FANCI: variants seen among roughly 807,000 people sequenced by gnomAD.
FANCI encodes the protein FA complementation group I.
In FANCI, 156 loss-of-function variants were observed where a neutral mutation model predicts 176.1. That is an observed-to-expected ratio of 0.89 (90% CI 0.78 to 1.01). FANCI has a LOEUF of 1.01. Among genes scored for constraint, FANCI ranks in the 50% least tolerant of loss-of-function variants. The pLI, the probability that FANCI is intolerant of heterozygous loss-of-function variation, is 0.00. For missense variants in FANCI, 1,678 were observed against 1,534.1 expected, an observed-to-expected ratio of 1.09 and a Z score of -1.57; for synonymous variants, 613 against 541.7, an observed-to-expected ratio of 1.13 and a Z score of -1.83.
intron 34 of FANCI, among the ~76,000 whole-genome samples, chr15:89,310,619 T>C (rs931017675): frequency 6.6e-5 from 10 of 152,250 alleles, no homozygotes; most frequent in African/African-American, 2.2e-4. Flanking sequence ...ATTTAATGAG[T>C]GCCCCCTGGG....
chr15:89,268,664 T>TA (rs1395811104), intron 10 of FANCI, 139 bp downstream of exon 10: 8 of 1,007,314 alleles, frequency 7.9e-6, no homozygotes, highest in Middle Eastern at 3.2e-4. Flanking sequence ...TTTTTTTTTT[T>TA]ACTTTAAAAG....
chr15:89,282,881 T>C, intron 16 of FANCI: 1 of 472,622 alleles, frequency 2.1e-6, no homozygotes, highest in East Asian at 4.1e-5. Context: ...ATTCCTCACA[T>C]AGACTTGAGA....
At chr15:89,304,972 C>T (rs1007531560) in intron 28 of FANCI, 143 bp from the exon 29 acceptor site, 2 of 849,712 alleles carry the variant, frequency 2.4e-6, no homozygotes, top group Non-Finnish European at 3.8e-6. Flanking sequence ...GACGGGGTTT[C>T]TCCATGTTGG....
chr15:89,287,667 A>T (rs1422429598), intron 18 of FANCI, among the ~76,000 whole-genome samples: 2 of 152,178 alleles, frequency 1.3e-5, no homozygotes, highest in Non-Finnish European at 2.9e-5. Flanking sequence ...TTTTGATTTA[A>T]AGTGAGAGAC....
At chr15:89,281,424 A>G in intron 15 of FANCI, 124 bp downstream of exon 15, 1 of 1,263,962 alleles carries the variant, frequency 7.9e-7, no homozygotes, top group South Asian at 1.2e-5. Flanking sequence ...TCTGAAACAT[A>G]AAATTTGCAT....
At chr15:89,245,994 G>C (rs28712181) in intron 1 of FANCI, among the ~76,000 whole-genome samples, 10,818 of 152,176 alleles carry the variant, frequency 0.071, 1,229 homozygotes, top group African/African-American at 0.24. Flanking sequence ...ATATTTAGTA[G>C]GTAACATTGA....
In FANCI at chr15:89,301,545, T is replaced by A. The variant is rs75439555; in HGVS notation, c.3006+103T>A. 1,722 of 852,506 alleles carry A rather than the reference T, an allele frequency of 2.0e-3. 25 individuals are homozygous for A. In the African/African-American group the frequency reaches 0.026, roughly 13 times the overall value. 52.8% of individuals were successfully genotyped at this position (852,506 alleles called of 1,614,324 possible). A position where few individuals can be genotyped will look rare whatever the true frequency, so the allele number is the denominator to read the frequency against. ...AAATGTCCTCTTGAAATTGAGCTTA[T>A]TTTACATAATGTGTTTAATTATACA... On this transcript the variant is annotated intron_variant, in intron 27 of 37. Transcript: ENST00000310775.
At chr15:89,281,340 G>A (rs1404878915) in intron 15 of FANCI, 40 bp downstream of exon 15, 1 of 1,611,060 alleles carries the variant, frequency 6.2e-7, no homozygotes, top group African/African-American at 1.3e-5. Context: ...CAAAACTGAG[G>A]TTTAACTGTC....
chr15:89,279,831 A>T (rs1033279778), intron 14 of FANCI, among the ~76,000 whole-genome samples: 1 of 152,098 alleles, frequency 6.6e-6, no homozygotes, highest in Non-Finnish European at 1.5e-5. Context: ...TCCCAACCTC[A>T]CATCCAGTGT....
intron 36 of FANCI, 38 bp downstream of exon 36, chr15:89,314,745 A>C: frequency 6.9e-7 from 1 of 1,451,664 alleles, no homozygotes; most frequent in Middle Eastern, 1.7e-4. Flanking sequence ...ATTCCCATTT[A>C]CCTTCTTGAC....
At chr15:89,290,812 C>T (rs1342761636) in intron 19 of FANCI, among the ~76,000 whole-genome samples, 1 of 152,140 alleles carries the variant, frequency 6.6e-6, no homozygotes, top group Non-Finnish European at 1.5e-5. Context: ...TGTTTGCTGT[C>T]TCTCAATGCC....
Position 89,307,733 on chromosome 15 carries a change from G to C in FANCI, c.3651+61G>C, listed in dbSNP as rs2054781702. Reference sequence around the variant, plus strand: ...AAGAAAGGATTTCTTACATGCCCAGGGGACTATTGATCACCTGAACTGAGC... The same window carrying C: ...AAGAAAGGATTTCTTACATGCCCAGCGGACTATTGATCACCTGAACTGAGC... On this transcript the variant is annotated intron_variant, in intron 34 of 37. Transcript: ENST00000310775. 5.0e-6 allele frequency: 8 copies of C among 1,613,818 alleles called. No homozygotes were observed. In the East Asian group the frequency reaches 1.3e-4, roughly 27 times the overall value.
At chr15:89,265,619 G>A (rs894748443) in intron 9 of FANCI, among the ~76,000 whole-genome samples, 1 of 151,840 alleles carries the variant, frequency 6.6e-6, no homozygotes, top group Non-Finnish European at 1.5e-5. Context: ...CACCTCCTGG[G>A]TTCAAGAGAT....
intron 12 of FANCI, 25 bp from the exon 13 acceptor site, chr15:89,276,686 T>C (rs763608391): frequency 1.9e-6 from 3 of 1,614,044 alleles, no homozygotes; most frequent in Non-Finnish European, 2.5e-6. Flanking sequence ...TTTTTCTTTT[T>C]TAACTAAGCT....
In FANCI at chr15:89,261,462, C is replaced by T. The variant is rs1405325842; in HGVS notation, c.289-123C>T. ...CAGAGCAGAATGATTCCATAAATCC[C>T]TTATGGGACCAGTTCTGGATCTCGG... On this transcript the variant is annotated intron_variant, in intron 4 of 37. Coordinates refer to ENST00000310775, the MANE Select transcript of FANCI (RefSeq NM_001113378.2). 15 of 1,226,922 alleles carry T rather than the reference C, an allele frequency of 1.2e-5. 1 individual carries two copies. In the South Asian group the frequency reaches 1.8e-4, roughly 15 times the overall value. The allele number at this position is 1,226,922 out of a possible 1,614,324, so 76.0% of individuals were successfully genotyped here.
intron 35 of FANCI, among the ~76,000 whole-genome samples, chr15:89,313,992 C>CAT (rs1422487735): frequency 3.3e-5 from 5 of 150,682 alleles, no homozygotes; most frequent in Admixed American, 1.3e-4. Context: ...CACACACACA[C>CAT]ACACACACAC....
At chr15:89,268,748 C>A in intron 10 of FANCI, 1 of 510,444 alleles carries the variant, frequency 2.0e-6, no homozygotes. Context: ...CATCCTTAAG[C>A]AAGCCAGAAA....
chr15:89,276,375 TA>T lies in FANCI; in HGVS notation c.1113-334del, dbSNP rs2053411973. On this transcript the variant is annotated intron_variant, in intron 12 of 37. Coordinates refer to ENST00000310775, the MANE Select transcript of FANCI (RefSeq NM_001113378.2). ...GGGAGCTAATTTGTAAGCCTCTACA[TA>T]AGCGTTGTCAGTGCTGTAGGGTAAT... is the stretch of plus-strand genomic sequence containing the variant. Among the ~76,000 whole-genome samples, 3 of 152,248 alleles carry T rather than the reference TA, an allele frequency of 2.0e-5. No individual in the cohort carries two copies. The South Asian group carries it at 6.2e-4, about 31-fold the overall frequency.
At chr15:89,267,718 G>C (rs557843220) in intron 9 of FANCI, among the ~76,000 whole-genome samples, 1 of 152,298 alleles carries the variant, frequency 6.6e-6, no homozygotes, top group African/African-American at 2.4e-5. Context: ...CTTGAGCCCA[G>C]GAGTTCAAAA....
Sources: gnomAD v4.1 joint callset for allele counts (sites outside exome capture counted in the v4.1 genomes callset) on GRCh38, gnomAD v4.1.1 for gene constraint, MANE v1.5 for transcripts, NCBI Gene and HGNC (gene_info 2026-07-23, HGNC 2026-07-21) for gene names.